The following SETBP1 variants were observed in gnomAD, a reference collection of about 807,000 sequenced individuals.
SETBP1 encodes SET binding protein 1, also known as SET-binding protein.
Under a neutral mutation model 101.0 loss-of-function variants are expected in SETBP1, and 9 were observed. That is an observed-to-expected ratio of 0.09 (90% CI 0.05 to 0.16). The LOEUF (loss-of-function observed/expected upper bound fraction) is 0.16. Ranked by LOEUF, SETBP1 falls within the 10% of genes least tolerant of loss-of-function variation. SETBP1 has a pLI of 1.00. For missense variants in SETBP1, 1,858 were observed against 2,033.8 expected (o/e 0.91, Z 1.66); for synonymous variants, 818 against 788.5 (o/e 1.04, Z -0.63).
At position 45,066,916 on chromosome 18, in the gene SETBP1, CTA is replaced by C. The variant is rs2073974835; in HGVS notation, c.*3219_*3220del. On this transcript the variant is annotated 3_prime_UTR_variant, in exon 6 of 6. Coordinates refer to ENST00000649279, the MANE Select transcript of SETBP1 (RefSeq NM_015559.3). ...GATGATGGATCTTTAATCCACTTGACTAAGTGTCTGGAAGAGCTACTTGCTCT... is the reference window on the plus strand; with the variant it reads ...GATGATGGATCTTTAATCCACTTGACAGTGTCTGGAAGAGCTACTTGCTCT... 1 of 152,066 alleles carries C rather than the reference CTA, an allele frequency of 6.6e-6. No homozygotes were observed. The highest frequency in any genetic ancestry group is 1.5e-5 in the Non-Finnish European group (1 of 68,030). 9.4% of individuals were successfully genotyped at this position (152,066 alleles called of 1,614,324 possible). A position where few individuals can be genotyped will look rare whatever the true frequency, so the allele number is the denominator to read the frequency against.
chr18:44,816,633 A>G (rs572805719), intron 2 of SETBP1, among the ~76,000 whole-genome samples: 1 of 152,148 alleles, frequency 6.6e-6, no homozygotes, highest in Non-Finnish European at 1.5e-5. Flanking sequence ...CTTTCCGTGA[A>G]TGAGTCCTCA....
chr18:44,807,317 T>A (rs913196182), intron 2 of SETBP1, among the ~76,000 whole-genome samples: 21 of 152,202 alleles, frequency 1.4e-4, no homozygotes, highest in African/African-American at 5.1e-4. Context: ...GTCTTTTTTT[T>A]TTCATCTTCT....
At chr18:44,816,599 C>T (rs1253900055) in intron 2 of SETBP1, among the ~76,000 whole-genome samples, 1 of 152,178 alleles carries the variant, frequency 6.6e-6, no homozygotes, top group East Asian at 1.9e-4. Flanking sequence ...CACACCAGAG[C>T]ATCAGCAAAA....
intron 3 of SETBP1, among the ~76,000 whole-genome samples, chr18:44,880,672 G>A (rs1411898976): frequency 6.6e-6 from 1 of 152,170 alleles, no homozygotes; most frequent in Non-Finnish European, 1.5e-5. Flanking sequence ...AGGGAAAGCA[G>A]GCACATCACA....
At chr18:44,749,773 T>C (rs1015230746) in intron 2 of SETBP1, among the ~76,000 whole-genome samples, 1 of 152,228 alleles carries the variant, frequency 6.6e-6, no homozygotes, top group East Asian at 1.9e-4. Context: ...TCATGGGATA[T>C]GGTAGTAATA....
At chr18:44,876,737 G>T in intron 3 of SETBP1, 1 of 1,536,686 alleles carries the variant, frequency 6.5e-7, no homozygotes, top group Non-Finnish European at 8.8e-7. Context: ...CCTGCAGTCT[G>T]GGCACAAGAA....
intron 2 of SETBP1, among the ~76,000 whole-genome samples, chr18:44,820,167 C>T (rs1303825444): frequency 6.6e-6 from 1 of 152,242 alleles, no homozygotes; most frequent in Admixed American, 6.5e-5. Flanking sequence ...AGCCACCCAG[C>T]TGAGCGCCAC....
At chr18:44,925,279 G>C (rs961356422) in intron 3 of SETBP1, among the ~76,000 whole-genome samples, 4 of 151,526 alleles carry the variant, frequency 2.6e-5, no homozygotes, top group African/African-American at 7.3e-5. Flanking sequence ...TCATTTCCCC[G>C]TATAAATACA....
intron 2 of SETBP1, among the ~76,000 whole-genome samples, chr18:44,809,766 G>A (rs1300152577): frequency 1.3e-5 from 2 of 152,172 alleles, no homozygotes; most frequent in African/African-American, 4.8e-5. Context: ...CCTGATTCAT[G>A]GGAGATCCAT....
intron 4 of SETBP1, among the ~76,000 whole-genome samples, chr18:44,984,133 A>AGAGGTTGCAGTGAGCT (rs61015898): frequency 0.049 from 7,463 of 152,116 alleles, 646 homozygotes; most frequent in African/African-American, 0.17. Context: ...CCTGGGAGGC[A>AGAGGTTGCAGTGAGCT]GAGGTTGCAG....
chr18:44,793,116 G>A (rs567828837), intron 2 of SETBP1, among the ~76,000 whole-genome samples: 13 of 152,308 alleles, frequency 8.5e-5, no homozygotes, highest in South Asian at 2.1e-4. Flanking sequence ...TGTGACAGCC[G>A]TAGAATTAAA....
At chr18:44,681,393 T>C (rs1196924733) in intron 1 of SETBP1, among the ~76,000 whole-genome samples, 4 of 152,184 alleles carry the variant, frequency 2.6e-5, no homozygotes, top group African/African-American at 9.7e-5. Flanking sequence ...TTTGGCAAGA[T>C]GGTGATAACG....
At chr18:44,685,782 T>C (rs888469727) in intron 1 of SETBP1, among the ~76,000 whole-genome samples, 3 of 152,214 alleles carry the variant, frequency 2.0e-5, no homozygotes, top group African/African-American at 4.8e-5. Flanking sequence ...CCCCTTGGAA[T>C]GATCAGAAAT....
At chr18:44,838,850 A>C (rs1159926542) in intron 2 of SETBP1, among the ~76,000 whole-genome samples, 1 of 152,078 alleles carries the variant, frequency 6.6e-6, no homozygotes, top group Non-Finnish European at 1.5e-5. Flanking sequence ...CCCACACTAC[A>C]CCTTAATAAC....
intron 2 of SETBP1, among the ~76,000 whole-genome samples, chr18:44,789,442 A>C (rs978492300): frequency 6.6e-6 from 1 of 152,228 alleles, no homozygotes. Context: ...TGCCCTCTTG[A>C]ATCTGACTTC....
intron 2 of SETBP1, among the ~76,000 whole-genome samples, chr18:44,789,141 C>G (rs2071314428): frequency 6.6e-6 from 1 of 152,048 alleles, no homozygotes; most frequent in Non-Finnish European, 1.5e-5. Flanking sequence ...TGTCTTATTT[C>G]TTTTAGATCT....
intron 4 of SETBP1, among the ~76,000 whole-genome samples, chr18:45,004,287 T>C (rs1449002041): frequency 6.6e-6 from 1 of 152,222 alleles, no homozygotes; most frequent in East Asian, 1.9e-4. Context: ...AACGGAATAC[T>C]CCAGGTAGAT....
intron 4 of SETBP1, among the ~76,000 whole-genome samples, chr18:45,030,127 G>A (rs1267879597): frequency 6.0e-5 from 9 of 149,680 alleles, no homozygotes; most frequent in East Asian, 3.9e-4. Context: ...TGCCCATTCC[G>A]TATGATATTG....
intron 3 of SETBP1, among the ~76,000 whole-genome samples, chr18:44,938,197 T>C (rs1475139921): frequency 1.3e-5 from 2 of 152,186 alleles, no homozygotes; most frequent in Admixed American, 1.3e-4. Flanking sequence ...CACAACCCTG[T>C]TGGCTTCCCT....
Sources: gnomAD v4.1 joint callset for allele counts (sites outside exome capture counted in the v4.1 genomes callset) on GRCh38, gnomAD v4.1.1 for gene constraint, MANE v1.5 for transcripts, NCBI Gene and HGNC (gene_info 2026-07-23, HGNC 2026-07-21) for gene names.